Variants in CAMTA1 observed in about 807,000 individuals in gnomAD.
CAMTA1 encodes the protein calmodulin binding transcription activator 1, also known as calmodulin-binding transcription activator 1.
CAMTA1 carries 27 observed loss-of-function variants against 170.9 expected under a neutral mutation model. That is an observed-to-expected ratio of 0.16 (90% CI 0.12 to 0.22). The LOEUF (loss-of-function observed/expected upper bound fraction) is 0.22. CAMTA1 is among the 10% of genes least tolerant of loss of function. The pLI is 1.00. For synonymous variants in CAMTA1, 833 were observed against 891.5 expected (o/e 0.93, Z 1.17); for missense variants, 1,619 against 2,217.2 (o/e 0.73, Z 5.42).
intron 5 of CAMTA1, among the ~76,000 whole-genome samples, chr1:7,309,591 G>T (rs1337297385): frequency 6.6e-6 from 1 of 152,022 alleles, no homozygotes; most frequent in Non-Finnish European, 1.5e-5. Flanking sequence ...GAGCCGCCGC[G>T]CCCGGCCTGA....
intron 3 of CAMTA1, among the ~76,000 whole-genome samples, chr1:6,849,681 A>G (rs1323149225): frequency 6.6e-6 from 1 of 151,820 alleles, no homozygotes; most frequent in East Asian, 1.9e-4. Context: ...AGTTTTGAGG[A>G]GGAAATGGAG....
intron 1 of CAMTA1, among the ~76,000 whole-genome samples, chr1:6,815,290 G>C (rs79215270): frequency 4.0e-5 from 6 of 151,268 alleles, no homozygotes; most frequent in South Asian, 2.1e-4. Flanking sequence ...CTGCAACCTC[G>C]ATCTCCCAGG....
intron 5 of CAMTA1, among the ~76,000 whole-genome samples, chr1:7,391,689 G>GGAAT (rs1034520531): frequency 1.0e-3 from 154 of 152,170 alleles, no homozygotes; most frequent in African/African-American, 3.7e-3. Flanking sequence ...CCAGCCTCTG[G>GGAAT]GAATGAATGG....
chr1:7,318,457 AT>A (rs1468689354), intron 5 of CAMTA1, among the ~76,000 whole-genome samples: 1 of 152,176 alleles, frequency 6.6e-6, no homozygotes, highest in African/African-American at 2.4e-5. Flanking sequence ...TTCAGGGGAT[AT>A]TTACAAGGGA....
At chr1:7,546,251 C>T (rs571344970) in intron 6 of CAMTA1, among the ~76,000 whole-genome samples, 31 of 152,274 alleles carry the variant, frequency 2.0e-4, no homozygotes, top group African/African-American at 6.7e-4. Flanking sequence ...CCACTGCGCC[C>T]GGCCTGGTTT....
In CAMTA1 at chr1:7,249,762, C is replaced by T; in HGVS notation, c.438+136C>T. 1 of 1,066,796 alleles carries T rather than the reference C, an allele frequency of 9.4e-7. No homozygotes were observed. Among genetic ancestry groups the T allele is most frequent in the Non-Finnish European group, 1.3e-6 (1 of 757,910 alleles). The allele number at this position is 1,066,796 out of a possible 1,614,324, so 66.1% of individuals were successfully genotyped here. A position where few individuals can be genotyped will look rare whatever the true frequency, so the allele number is the denominator to read the frequency against. ...TTGTTTGCCAAGACCCTGGTTTTTG[C>T]TTTTGTTTCGTTTTTCTACCTTCTT... is the stretch of plus-strand genomic sequence containing the variant. On this transcript the variant is annotated intron_variant, in intron 5 of 22. Coordinates refer to ENST00000303635, the MANE Select transcript of CAMTA1 (RefSeq NM_015215.4). This position sits in a 1 kb window ranked among gnomAD's most constrained non-coding sequence, Gnocchi z 4.4.
chr1:7,758,022 C>T (rs1287841736), intron 22 of CAMTA1, among the ~76,000 whole-genome samples: 2 of 152,118 alleles, frequency 1.3e-5, no homozygotes, highest in African/African-American at 4.8e-5. Context: ...TATTCCCTCT[C>T]ACCCTCTGCA....
At chr1:7,568,785 A>G (rs960328315) in intron 6 of CAMTA1, among the ~76,000 whole-genome samples, 3 of 150,782 alleles carry the variant, frequency 2.0e-5, no homozygotes, top group Non-Finnish European at 4.4e-5. Flanking sequence ...CATCACCATC[A>G]CCACCACCAT....
intron 3 of CAMTA1, among the ~76,000 whole-genome samples, chr1:6,877,588 G>A (rs1365170765): frequency 1.3e-5 from 2 of 152,124 alleles, no homozygotes; most frequent in East Asian, 1.9e-4. Flanking sequence ...TTACCATCAC[G>A]CTGTGTGATG....
chr1:7,601,137 C>T (rs1448569116), intron 6 of CAMTA1, among the ~76,000 whole-genome samples: 24 of 143,604 alleles, frequency 1.7e-4, no homozygotes, highest in African/African-American at 5.4e-4. Flanking sequence ...CCCTCCCGGA[C>T]GGGGCGGCTG....
At chr1:7,705,925 C>T (rs1018006087) in intron 11 of CAMTA1, among the ~76,000 whole-genome samples, 3 of 152,028 alleles carry the variant, frequency 2.0e-5, no homozygotes, top group Non-Finnish European at 4.4e-5. Flanking sequence ...TCGGGGTGGC[C>T]CTTTTGCATT....
At chr1:7,521,425 C>T (rs1442488320) in intron 6 of CAMTA1, among the ~76,000 whole-genome samples, 4 of 152,128 alleles carry the variant, frequency 2.6e-5, no homozygotes, top group Admixed American at 2.0e-4. Context: ...TACAAGCCAC[C>T]AGTCTCATTC....
chr1:7,730,926 CTCTATA>C (rs60267870), intron 11 of CAMTA1, among the ~76,000 whole-genome samples: 27,914 of 130,288 alleles, frequency 0.21, 2,603 homozygotes, highest in Middle Eastern at 0.29. Flanking sequence ...CTCTCTCTCT[CTCTATA>C]TATATATATA....
At chr1:6,883,408 G>T (rs1278361961) in intron 3 of CAMTA1, among the ~76,000 whole-genome samples, 1 of 152,196 alleles carries the variant, frequency 6.6e-6, no homozygotes, top group Admixed American at 6.5e-5. Flanking sequence ...TGCTCTGAAG[G>T]AATTCTGCTT....
chr1:6,791,509 G>T (rs1410226383), intron 1 of CAMTA1, among the ~76,000 whole-genome samples: 1 of 152,102 alleles, frequency 6.6e-6, no homozygotes, highest in East Asian at 1.9e-4. Context: ...GCTTCTTTCT[G>T]TCTCTTTGGC....
intron 4 of CAMTA1, among the ~76,000 whole-genome samples, chr1:7,159,312 A>G (rs182772868): frequency 5.9e-5 from 9 of 152,180 alleles, no homozygotes; most frequent in African/African-American, 2.2e-4. Flanking sequence ...ACAAACCAGA[A>G]CAGCTGGAAT....
chr1:7,179,421 G>A (rs1651638042), intron 4 of CAMTA1, among the ~76,000 whole-genome samples: 1 of 152,178 alleles, frequency 6.6e-6, no homozygotes, highest in Non-Finnish European at 1.5e-5. Flanking sequence ...ATATCTTTAT[G>A]TATACATTTA....
chr1:7,507,793 T>A (rs1478228754), intron 6 of CAMTA1, among the ~76,000 whole-genome samples: 2 of 152,146 alleles, frequency 1.3e-5, no homozygotes, highest in Non-Finnish European at 2.9e-5. Flanking sequence ...GAGTCCAAGC[T>A]CTGAGCGGGC....
In CAMTA1 at chr1:7,618,888, C is replaced by A. The variant is rs574816669; in HGVS notation, c.511-21512C>A. Reference sequence around the variant, plus strand: ...ATTTGGATTTCAATGTAGAGCCATCCTTTTTTTTTTAATCCAGAAATGCTT... The same window carrying A: ...ATTTGGATTTCAATGTAGAGCCATCATTTTTTTTTTAATCCAGAAATGCTT... On this transcript the variant is annotated intron_variant, in intron 6 of 22. Coordinates refer to ENST00000303635, the MANE Select transcript of CAMTA1 (RefSeq NM_015215.4). Among the ~76,000 whole-genome samples the A allele has an allele frequency of 6.4e-4, 96 of 149,334 alleles. 1 individual carries two copies. The highest frequency in any genetic ancestry group is 6.4e-3 in the Admixed American group (95 of 14,952).
Sources: gnomAD v4.1 joint callset for allele counts (sites outside exome capture counted in the v4.1 genomes callset) on GRCh38, gnomAD v4.1.1 for gene constraint, Gnocchi (gnomAD v3.1) non-coding constraint, MANE v1.5 for transcripts, NCBI Gene and HGNC (gene_info 2026-07-23, HGNC 2026-07-21) for gene names.